Variants in CLDN16 observed in about 807,000 individuals in gnomAD.
The protein encoded by CLDN16 is claudin-16.
CLDN16 carries 13 observed loss-of-function variants against 24.6 expected under a neutral mutation model. The observed-to-expected ratio is 0.53, with a 90% CI of 0.34 to 0.84. The LOEUF is 0.84. CLDN16 is among the 40% of genes least tolerant of loss of function. The probability of loss-of-function intolerance (pLI) is 0.01; values close to 1 mark genes in which losing one functional copy is unlikely to be tolerated. For synonymous variants in CLDN16, 116 were observed against 106.7 expected (o/e 1.09, Z -0.54); for missense variants, 298 against 292.7 (o/e 1.02, Z -0.13).
At chr3:190,368,009 G>A (rs567571574) in intron 1 of CLDN16, among the ~76,000 whole-genome samples, 1 of 152,038 alleles carries the variant, frequency 6.6e-6, no homozygotes, top group African/African-American at 2.4e-5. Flanking sequence ...ATGTGTTGGG[G>A]AAGCTGATAC....
At chr3:190,358,964 TA>T (rs146135687) in intron 1 of CLDN16, among the ~76,000 whole-genome samples, 4,303 of 152,138 alleles carry the variant, frequency 0.028, 96 homozygotes, top group East Asian at 0.056. Flanking sequence ...AAACCTAATT[TA>T]TTATTTTTTT....
rs1718894397 is a variant in CLDN16 at position 190,399,057 on chromosome 3, A to G, written c.115-3280A>G. ...CCAGAAAGTCCAAGAATTGTTTCCAACTTAAACCTAAGGAGGAGCATGCCA... is the reference window on the plus strand; with the variant it reads ...CCAGAAAGTCCAAGAATTGTTTCCAGCTTAAACCTAAGGAGGAGCATGCCA... On this transcript the variant is annotated intron_variant, in intron 1 of 4. Coordinates refer to ENST00000264734, the MANE Select transcript of CLDN16 (RefSeq NM_006580.4). Among the ~76,000 whole-genome samples the G allele has an allele frequency of 1.3e-5, 2 of 152,158 alleles. 1 individual carries two copies. Among genetic ancestry groups the G allele is most frequent in the South Asian group, 4.1e-4 (2 of 4,830 alleles).
intron 3 of CLDN16, among the ~76,000 whole-genome samples, chr3:190,380,272 T>TCCTTCCTTCCTTTCTTCCTTCCTTC (rs1282830158): frequency 6.6e-6 from 1 of 150,376 alleles, no homozygotes; most frequent in Non-Finnish European, 1.5e-5. Context: ...CTTCCTTCCT[T>TCCTTCCTTCCTTTCTTCCTTCCTTC]CTGTTTTTTG....
At chr3:190,406,423 G>A (rs1252860644) in intron 3 of CLDN16, among the ~76,000 whole-genome samples, 2 of 151,974 alleles carry the variant, frequency 1.3e-5, no homozygotes, top group African/African-American at 4.8e-5. Context: ...AATTTTGTTC[G>A]AGAATATTTT....
At chr3:190,300,545 G>C in the CLDN16 span, among the ~76,000 whole-genome samples, 1 of 152,188 alleles carries the variant, frequency 6.6e-6, no homozygotes, top group Non-Finnish European at 1.5e-5. Context: ...ATATTTCGAA[G>C]AACGATACAA....
chr3:190,342,164 G>T (rs796539708), intron 1 of CLDN16, among the ~76,000 whole-genome samples: 7 of 152,218 alleles, frequency 4.6e-5, no homozygotes, highest in African/African-American at 1.7e-4. Flanking sequence ...ACATTTTCAG[G>T]TATCTTTTCA....
intron 1 of CLDN16, among the ~76,000 whole-genome samples, chr3:190,361,237 G>A (rs1374371062): frequency 6.6e-6 from 1 of 151,946 alleles, no homozygotes; most frequent in Admixed American, 6.6e-5. Context: ...GTTTGTAAAT[G>A]CCCATTAGCA....
chr3:190,399,269 C>G (rs751496328), intron 1 of CLDN16, among the ~76,000 whole-genome samples: 3 of 152,026 alleles, frequency 2.0e-5, no homozygotes, highest in Non-Finnish European at 4.4e-5. Flanking sequence ...TTTGGGAGGC[C>G]GAGGTGGGCG....
chr3:190,309,288 G>A, the CLDN16 span, among the ~76,000 whole-genome samples: 100,273 of 152,132 alleles, frequency 0.66, 34,035 homozygotes, highest in African/African-American at 0.82. Flanking sequence ...TTACCTTGGC[G>A]AAATTTTAGC....
At chr3:190,349,625 C>T (rs931284095) in intron 1 of CLDN16, among the ~76,000 whole-genome samples, 4 of 152,104 alleles carry the variant, frequency 2.6e-5, no homozygotes, top group Admixed American at 6.6e-5. Context: ...GTTTCCCAAC[C>T]GTTGACTTGC....
Position 190,326,096 on chromosome 3 carries a change from T to A in CLDN16, n.121+3435T>A, listed in dbSNP as rs112746769. 2.6e-3 allele frequency among the ~76,000 whole-genome samples: 394 copies of A among 152,328 alleles called. 3 individuals carry two copies. The highest frequency in any genetic ancestry group is 9.2e-3 in the African/African-American group (384 of 41,564). ...TTAAAGTAACCTTGAGAAATTTGCA[T>A]AACATCCTTGTGACTCACATTTTTT... On this transcript the variant is annotated intron_variant and non_coding_transcript_variant, in intron 1 of 4. Coordinates refer to the CLDN16 transcript ENST00000468220.
the CLDN16 span, among the ~76,000 whole-genome samples, chr3:190,303,820 C>T: frequency 0.063 from 9,610 of 152,210 alleles, 380 homozygotes; most frequent in Middle Eastern, 0.11. Context: ...GAAAGAAGAT[C>T]ATTTGCCAAA....
At chr3:190,312,334 C>A in the CLDN16 span, among the ~76,000 whole-genome samples, 3 of 151,896 alleles carry the variant, frequency 2.0e-5, no homozygotes, top group Admixed American at 1.3e-4. Context: ...TTAAACTGAC[C>A]ATTCCAACAG....
chr3:190,298,093 C>G, the CLDN16 span, among the ~76,000 whole-genome samples: 1 of 151,994 alleles, frequency 6.6e-6, no homozygotes, highest in Non-Finnish European at 1.5e-5. Context: ...TCTTTATTGT[C>G]TTTTCCATAT....
chr3:190,371,041 A>ATATATATATATATATATAT (rs1560089578), intron 2 of CLDN16: 2 of 137,672 alleles, frequency 1.5e-5, no homozygotes, highest in African/African-American at 5.4e-5. Context: ...TATATATATA[A>ATATATATATATATATATAT]AATATATATG....
chr3:190,312,295 A>G, the CLDN16 span, among the ~76,000 whole-genome samples: 1 of 113,644 alleles, frequency 8.8e-6, no homozygotes, highest in African/African-American at 5.1e-5. Context: ...ATTTAAAGGT[A>G]TTTCTGTATT....
chr3:190,315,400 G>A, the CLDN16 span, among the ~76,000 whole-genome samples: 10 of 152,148 alleles, frequency 6.6e-5, no homozygotes, highest in Non-Finnish European at 1.2e-4. Flanking sequence ...AAAGTAAAAC[G>A]AAGTTTAGCA....
At chr3:190,380,219 C>CCTTCCTTTTCTTCCTTG (rs766650352) in intron 3 of CLDN16, among the ~76,000 whole-genome samples, 18,258 of 69,908 alleles carry the variant, frequency 0.26, 7,079 homozygotes, top group East Asian at 0.36. Context: ...TTCCTCCCTT[C>CCTTCCTTTTCTTCCTTG]CTTCCTTTTC....
At chr3:190,384,710 C>G (rs958580593), upstream of CLDN16, among the ~76,000 whole-genome samples, 8 of 152,162 alleles carry the variant, frequency 5.3e-5, no homozygotes, top group Non-Finnish European at 1.0e-4. Flanking sequence ...CAATATTACT[C>G]CCTCTTCTGT....
Sources: allele counts gnomAD v4.1 joint callset (sites outside exome capture counted in the v4.1 genomes callset), GRCh38; gene constraint gnomAD v4.1.1; transcripts MANE v1.5; gene names NCBI Gene and HGNC (gene_info 2026-07-23, HGNC 2026-07-21).